The following SDK1 variants were observed in gnomAD, a reference collection of about 807,000 sequenced individuals.
The protein encoded by SDK1 is sidekick cell adhesion molecule 1.
In SDK1, 157 loss-of-function variants were observed where a neutral mutation model predicts 245.5. That is an observed-to-expected ratio of 0.64 (90% confidence interval 0.56 to 0.73). The LOEUF (loss-of-function observed/expected upper bound fraction) is 0.73, where lower values mean the gene tolerates loss of function less well. Among genes scored for constraint, SDK1 ranks in the 30% least tolerant of loss-of-function variants. The probability of loss-of-function intolerance (pLI) is 0.00; values close to 1 mark genes in which losing one functional copy is unlikely to be tolerated. For synonymous variants in SDK1, 1,647 were observed against 1,278.5 expected, an observed-to-expected ratio of 1.29 and a Z score of -6.15; for missense variants, 3,583 against 3,002.3, an observed-to-expected ratio of 1.19 and a Z score of -4.52.
chr7:3,314,767 C>T (rs1440278728), intron 1 of SDK1, among the ~76,000 whole-genome samples: 2 of 152,052 alleles, frequency 1.3e-5, no homozygotes, highest in South Asian at 2.1e-4. Context: ...ATATTATAAT[C>T]TAGTGTTTTA....
intron 1 of SDK1, among the ~76,000 whole-genome samples, chr7:3,366,409 A>G (rs959091417): frequency 6.6e-6 from 1 of 151,430 alleles, no homozygotes; most frequent in Non-Finnish European, 1.5e-5. Context: ...GCACATAGAG[A>G]TCTTCCTCAC....
At chr7:4,246,293 C>T (rs1471684798) in intron 44 of SDK1, among the ~76,000 whole-genome samples, 3 of 152,116 alleles carry the variant, frequency 2.0e-5, no homozygotes, top group Non-Finnish European at 4.4e-5. Context: ...CTTTCACGTG[C>T]TCCATCTCAT....
At chr7:3,678,397 C>A (rs187576484) in intron 4 of SDK1, among the ~76,000 whole-genome samples, 1 of 152,148 alleles carries the variant, frequency 6.6e-6, no homozygotes, top group Non-Finnish European at 1.5e-5. Context: ...AATGGATTAA[C>A]AAAATATGGT....
chr7:3,821,708 T>A (rs1258426233), intron 5 of SDK1, 125 bp downstream of exon 5: 2 of 990,362 alleles, frequency 2.0e-6, no homozygotes, highest in Non-Finnish European at 1.4e-6. Context: ...TACGGTTTAA[T>A]ATTGATCCAG....
In SDK1 at chr7:4,002,772, CAG is replaced by C. The variant is rs929779380; in HGVS notation, c.2132-8193_2132-8192del. ...GGTTGGGAGATGGATATCTGGTTCT[CAG>C]GGGTGGATCCAGGTTTTGTTGTGTA... On this transcript the variant is annotated intron_variant, in intron 14 of 44. Coordinates refer to ENST00000404826, the MANE Select transcript of SDK1 (RefSeq NM_152744.4). Among the ~76,000 whole-genome samples, 5 of 152,300 alleles carry C rather than the reference CAG, an allele frequency of 3.3e-5. No individual in the cohort carries two copies. In the East Asian group the frequency reaches 7.7e-4, roughly 24 times the overall value.
At chr7:4,170,967 C>T (rs1476057512) in intron 32 of SDK1, among the ~76,000 whole-genome samples, 1 of 152,206 alleles carries the variant, frequency 6.6e-6, no homozygotes, top group African/African-American at 2.4e-5. Flanking sequence ...ACTGTAGCCT[C>T]CCCTACCTGT....
intron 1 of SDK1, among the ~76,000 whole-genome samples, chr7:3,508,164 T>A (rs2128610568): frequency 6.6e-6 from 1 of 150,900 alleles, no homozygotes; most frequent in African/African-American, 2.4e-5. Flanking sequence ...GTAATTACCA[T>A]CCAGAAGCTG....
intron 32 of SDK1, among the ~76,000 whole-genome samples, chr7:4,164,430 C>G (rs888949104): frequency 2.0e-5 from 3 of 152,180 alleles, no homozygotes; most frequent in African/African-American, 7.2e-5. Context: ...TCAGCCCTGA[C>G]TCCCGTGAGG....
intron 1 of SDK1, among the ~76,000 whole-genome samples, chr7:3,383,359 T>C (rs541287343): frequency 3.3e-5 from 5 of 152,156 alleles, no homozygotes; most frequent in Admixed American, 3.3e-4. Context: ...TGCAGTGAAT[T>C]ATGATTGTGC....
In SDK1 at chr7:3,821,111, A is replaced by C. The variant is rs543632205; in HGVS notation, c.714-339A>C. On this transcript the variant is annotated intron_variant, in intron 4 of 44. Coordinates refer to ENST00000404826, the MANE Select transcript of SDK1 (RefSeq NM_152744.4). ...CTTCTAATTGAAGGGATTCCTTCTA[A>C]CTGGTCTTGTTATGCATTCTCAGAG... Among the ~76,000 whole-genome samples the C allele has an allele frequency of 5.8e-4, 89 of 152,258 alleles. No individual in the cohort carries two copies. The South Asian group carries it at 0.018, about 32-fold the overall frequency.
intron 35 of SDK1, among the ~76,000 whole-genome samples, chr7:4,194,373 CATGTATGT>C (rs1562416010): frequency 0.017 from 1,746 of 102,394 alleles, 100 homozygotes; most frequent in African/African-American, 0.072. Flanking sequence ...TATGTGTATA[CATGTATGT>C]GTATACATGT....
intron 22 of SDK1, among the ~76,000 whole-genome samples, chr7:4,088,682 T>C (rs1781583238): frequency 6.6e-6 from 1 of 152,214 alleles, no homozygotes; most frequent in African/African-American, 2.4e-5. Context: ...TCTGTTTCAC[T>C]ATTCCGGAGC....
chr7:4,161,661 G>A, intron 31 of SDK1, 125 bp from the exon 32 acceptor site: 4 of 735,918 alleles, frequency 5.4e-6, no homozygotes, highest in South Asian at 4.8e-5. Context: ...AGGAGAAGGG[G>A]ACCCCTGGAG....
chr7:3,521,351 G>C (rs1782930557), intron 1 of SDK1, among the ~76,000 whole-genome samples: 2 of 152,200 alleles, frequency 1.3e-5, no homozygotes, highest in Non-Finnish European at 2.9e-5. Context: ...TAAAGTAACA[G>C]ATTCATGGGT....
chr7:3,869,238 C>T (rs955107937), intron 5 of SDK1, among the ~76,000 whole-genome samples: 2 of 148,496 alleles, frequency 1.3e-5, no homozygotes, highest in Admixed American at 6.8e-5. Flanking sequence ...CCACTGCAAT[C>T]TCCACCTCCC....
At chr7:3,906,033 C>G (rs1463756741) in intron 5 of SDK1, among the ~76,000 whole-genome samples, 1 of 152,096 alleles carries the variant, frequency 6.6e-6, no homozygotes, top group Non-Finnish European at 1.5e-5. Context: ...CTCATTTTGC[C>G]TTATTTTCTC....
intron 1 of SDK1, 79 bp downstream of exon 1, chr7:3,301,963 C>T: frequency 9.9e-7 from 1 of 1,013,230 alleles, no homozygotes; most frequent in Non-Finnish European, 1.2e-6. Flanking sequence ...AGAGTGTGTC[C>T]GGGGTCCCCC....
At chr7:3,644,797 A>AAAAAAAAAAAAAAAAAC (rs1554301839) in intron 4 of SDK1, among the ~76,000 whole-genome samples, 5 of 131,554 alleles carry the variant, frequency 3.8e-5, no homozygotes, top group Admixed American at 1.8e-4. Context: ...AAAAAACAAA[A>AAAAAAAAAAAAAAAAAC]AACAACAACA....
intron 28 of SDK1, among the ~76,000 whole-genome samples, chr7:4,142,078 G>A (rs965162036): frequency 3.9e-4 from 60 of 152,058 alleles, no homozygotes; most frequent in African/African-American, 1.4e-3. Context: ...TTTTTCACAC[G>A]GTGAAGAAGA....
Sources: allele counts gnomAD v4.1 joint callset (sites outside exome capture counted in the v4.1 genomes callset), GRCh38; gene constraint gnomAD v4.1.1; transcripts MANE v1.5; gene names NCBI Gene and HGNC (gene_info 2026-07-23, HGNC 2026-07-21).